The following DENND2A variants were observed in gnomAD, a reference collection of about 807,000 sequenced individuals.
DENND2A encodes the protein DENN domain containing 2A.
A neutral mutation model predicts 105.3 loss-of-function variants in DENND2A; 53 were observed. That is an observed-to-expected ratio of 0.50 (90% CI 0.40 to 0.63). The LOEUF (loss-of-function observed/expected upper bound fraction) is 0.63, where lower values mean the gene tolerates loss of function less well. Among genes scored for constraint, DENND2A ranks in the 30% least tolerant of loss-of-function variants. DENND2A has a pLI of 0.00. For synonymous variants in DENND2A, 522 were observed against 508.4 expected (o/e 1.03, Z -0.36); for missense variants, 1,138 against 1,279.6 (o/e 0.89, Z 1.69).
chr7:140,586,326 C>T (rs1334331382), intron 4 of DENND2A, among the ~76,000 whole-genome samples: 2 of 151,312 alleles, frequency 1.3e-5, no homozygotes, highest in African/African-American at 2.4e-5. Flanking sequence ...TGAGACTAGC[C>T]TGGGCAATGT....
At chr7:140,628,279 T>C (rs1318847075) in intron 1 of DENND2A, among the ~76,000 whole-genome samples, 1 of 152,210 alleles carries the variant, frequency 6.6e-6, no homozygotes, top group Non-Finnish European at 1.5e-5. Flanking sequence ...CCCTTCCCTT[T>C]GCAGCAGAAG....
intron 9 of DENND2A, among the ~76,000 whole-genome samples, chr7:140,561,426 C>G (rs561262760): frequency 1.3e-5 from 2 of 151,290 alleles, no homozygotes; most frequent in South Asian, 2.1e-4. Flanking sequence ...ATCTGAATAT[C>G]TGAGGTTAGG....
Position 140,630,861 on chromosome 7 carries a change from A to AAAAAAC in DENND2A, c.-248+9637_-248+9642dup, listed in dbSNP as rs537870084. ...GGGCAACAGAGTGAGACTCCGTCTC[A>AAAAAAC]AAAAACAAAAACAAAAACACACAAC... On this transcript the variant is annotated intron_variant, in intron 1 of 19. Coordinates refer to ENST00000496613, the MANE Select transcript of DENND2A (RefSeq NM_015689.5). Among the ~76,000 whole-genome samples the AAAAAAC allele has an allele frequency of 8.0e-3, 1,220 of 152,222 alleles. 7 individuals are homozygous for AAAAAAC. Among genetic ancestry groups the AAAAAAC allele is most frequent in the African/African-American group, 0.017 (710 of 41,516 alleles).
chr7:140,626,629 T>G (rs1248016951), intron 1 of DENND2A, among the ~76,000 whole-genome samples: 1 of 152,184 alleles, frequency 6.6e-6, no homozygotes, highest in Non-Finnish European at 1.5e-5. Flanking sequence ...CCTTTCTCCC[T>G]CTTGCCTTCC....
Position 140,640,624 on chromosome 7 carries a change from C to G in DENND2A, c.-368G>C, listed in dbSNP as rs974472367. The G allele has an allele frequency of 2.7e-5, 4 of 148,248 alleles. No individual in the cohort carries two copies. The highest frequency in any genetic ancestry group is 6.0e-5 in the Non-Finnish European group (4 of 66,432). The allele number at this position is 148,248 out of a possible 1,614,324, so 9.2% of individuals were successfully genotyped here. ...CGGCGGGTGCCGGGGACGCCATGGC[C>G]CTCCGCCCTCCGCCCCTTTGTCCGC... On this transcript the variant is annotated 5_prime_UTR_variant, in exon 1 of 20. Coordinates refer to ENST00000496613, the MANE Select transcript of DENND2A (RefSeq NM_015689.5). This position sits in a 1 kb window ranked among gnomAD's most constrained non-coding sequence, Gnocchi z 4.9.
rs548321147 is a variant in DENND2A, at chr7:140,554,002, C to T, written c.2037+1634G>A. Among the ~76,000 whole-genome samples the T allele has an allele frequency of 4.2e-3, 638 of 150,460 alleles. 2 individuals carry two copies. The highest frequency in any genetic ancestry group is 4.6e-3 in the Non-Finnish European group (309 of 67,418). ...CAGCACTTAGGGAGGCCGAGGTGGG[C>T]GGATTACGAGGTCAGGAGATCAAGA... On this transcript the variant is annotated intron_variant, in intron 12 of 19. Transcript: ENST00000496613.
At chr7:140,627,378 AT>A (rs1394510462) in intron 1 of DENND2A, among the ~76,000 whole-genome samples, 2 of 151,444 alleles carry the variant, frequency 1.3e-5, no homozygotes, top group South Asian at 4.2e-4. Flanking sequence ...TGCCTGGCTA[AT>A]TTTTTTTGTA....
chr7:140,549,850 G>A (rs1402739434), intron 12 of DENND2A, among the ~76,000 whole-genome samples: 1 of 152,086 alleles, frequency 6.6e-6, no homozygotes, highest in Admixed American at 6.5e-5. Context: ...CAACCCAAAT[G>A]TCCATCAATG....
chr7:140,549,018 A>G (rs1183461418), intron 12 of DENND2A, among the ~76,000 whole-genome samples: 1 of 151,184 alleles, frequency 6.6e-6, no homozygotes, highest in Non-Finnish European at 1.5e-5. Context: ...CAGGAGTTTG[A>G]GACCAGCCTG....
intron 9 of DENND2A, among the ~76,000 whole-genome samples, chr7:140,565,759 C>T (rs1271409627): frequency 6.6e-6 from 1 of 152,022 alleles, no homozygotes; most frequent in African/African-American, 2.4e-5. Flanking sequence ...ATGGTTAAAG[C>T]AGAGACAGGA....
chr7:140,606,659 G>A (rs1799696760), intron 1 of DENND2A, among the ~76,000 whole-genome samples: 1 of 152,152 alleles, frequency 6.6e-6, no homozygotes, highest in Admixed American at 6.5e-5. Context: ...CCAAACTGAG[G>A]AGGAAGAAAC....
chr7:140,572,649 G>T (rs576040231), intron 6 of DENND2A, among the ~76,000 whole-genome samples: 2 of 151,134 alleles, frequency 1.3e-5, no homozygotes, highest in Non-Finnish European at 2.9e-5. Context: ...AGCTACTCGG[G>T]AGGCTGAGGC....
At chr7:140,550,130 G>C in intron 12 of DENND2A, among the ~76,000 whole-genome samples, 1 of 46,060 alleles carries the variant, frequency 2.2e-5, no homozygotes, top group Non-Finnish European at 8.3e-5. Context: ...GGAGGGGATA[G>C]GGGTGGGGTT....
At position 140,518,755 on chromosome 7, in the gene DENND2A, TGAGAAC is replaced by T; in HGVS notation, c.2999-23_2999-18del. 1 of 1,611,688 alleles carries T rather than the reference TGAGAAC, an allele frequency of 6.2e-7. No homozygotes were observed. The highest frequency in any genetic ancestry group is 8.5e-7 in the Non-Finnish European group (1 of 1,178,028). ...TTTTATTGCCTAAAAAAAAGGAAAA[TGAGAAC>T]ATTTCACAAGGCAGACAAAGGAGGG... On this transcript the variant is annotated intron_variant, in intron 19 of 19. Coordinates refer to ENST00000496613, the MANE Select transcript of DENND2A (RefSeq NM_015689.5).
chr7:140,636,281 T>C (rs1013312568), intron 1 of DENND2A, among the ~76,000 whole-genome samples: 2 of 152,096 alleles, frequency 1.3e-5, no homozygotes, highest in Admixed American at 1.3e-4. Context: ...CCAGTTTCAC[T>C]AAAATCTCTC....
At chr7:140,566,275 G>A (rs769264940) in intron 9 of DENND2A, among the ~76,000 whole-genome samples, 11 of 152,176 alleles carry the variant, frequency 7.2e-5, no homozygotes, top group East Asian at 1.9e-4. Flanking sequence ...CAAGTGATCC[G>A]CCCACTTCGG....
At chr7:140,619,309 T>A (rs533496019) in intron 1 of DENND2A, among the ~76,000 whole-genome samples, 1 of 152,288 alleles carries the variant, frequency 6.6e-6, no homozygotes, top group East Asian at 1.9e-4. Context: ...AATTAAATTA[T>A]GTTTAAGAAG....
rs1348906159 is a variant in DENND2A, at chr7:140,525,828, C to G, written c.2506-36G>C. ...AGACGAAAGGGACTGTTACTGTCAC[C>G]AGGGCTTCTGGGATAGGGATGGACT... On this transcript the variant is annotated intron_variant, in intron 15 of 19. Coordinates refer to ENST00000496613, the MANE Select transcript of DENND2A (RefSeq NM_015689.5). 54 of 1,571,876 alleles carry G rather than the reference C, an allele frequency of 3.4e-5. 1 individual carries two copies. In the East Asian group the frequency reaches 1.3e-3, roughly 37 times the overall value.
intron 8 of DENND2A, 124 bp from the exon 9 acceptor site, chr7:140,567,397 G>C (rs546805557): frequency 2.4e-6 from 2 of 821,494 alleles, no homozygotes; most frequent in Non-Finnish European, 3.6e-6. Flanking sequence ...GAATTGTGCC[G>C]AGCTGCAATA....
Sources: gnomAD v4.1 joint callset for allele counts (sites outside exome capture counted in the v4.1 genomes callset) on GRCh38, gnomAD v4.1.1 for gene constraint, Gnocchi (gnomAD v3.1) non-coding constraint, MANE v1.5 for transcripts, NCBI Gene and HGNC (gene_info 2026-07-23, HGNC 2026-07-21) for gene names.